The following IFIH1 variants were observed in gnomAD, a reference collection of about 807,000 sequenced individuals.
IFIH1 encodes the protein interferon-induced helicase C domain-containing protein 1.
IFIH1 carries 125 observed loss-of-function variants against 107.4 expected under a neutral mutation model. The ratio of observed to expected loss-of-function variants is 1.16; its 90% CI spans 1.01 to 1.35. IFIH1 has a LOEUF of 1.35. IFIH1 is among the 40% of genes most tolerant of loss of function. The pLI, the probability that IFIH1 is intolerant of heterozygous loss-of-function variation, is 0.00. For synonymous variants in IFIH1, 458 were observed against 413.2 expected (o/e 1.11, Z -1.31); for missense variants, 1,333 against 1,213.7 (o/e 1.10, Z -1.46).
At chr2:162,284,230 A>G (rs770411744) in intron 5 of IFIH1, among the ~76,000 whole-genome samples, 12 of 151,790 alleles carry the variant, frequency 7.9e-5, no homozygotes, top group Non-Finnish European at 1.2e-4. Flanking sequence ...TATTCTTTCC[A>G]TTTCATTTAT....
intron 3 of IFIH1, among the ~76,000 whole-genome samples, chr2:162,295,692 C>A (rs887942514): frequency 6.6e-6 from 1 of 151,926 alleles, no homozygotes; most frequent in East Asian, 1.9e-4. Flanking sequence ...TATGATCACA[C>A]GGGAAAACCT....
chr2:162,317,729 C>T (rs1683528152), intron 1 of IFIH1, 126 bp downstream of exon 1: 1 of 734,204 alleles, frequency 1.4e-6, no homozygotes, highest in Non-Finnish European at 2.3e-6. Flanking sequence ...TAGATGTTGT[C>T]TTCTCAAAGG....
chr2:162,305,597 G>T (rs555375610), intron 3 of IFIH1, among the ~76,000 whole-genome samples: 2 of 150,688 alleles, frequency 1.3e-5, no homozygotes, highest in African/African-American at 2.5e-5. Flanking sequence ...AAAATAAAAT[G>T]AAATTAAAAA....
intron 4 of IFIH1, among the ~76,000 whole-genome samples, chr2:162,290,681 G>T (rs971572124): frequency 3.3e-5 from 5 of 151,910 alleles, no homozygotes; most frequent in Admixed American, 2.6e-4. Context: ...TGGTTAGACA[G>T]ATAGCTCAAT....
rs763260312 is a variant in IFIH1 at position 162,306,710 on chromosome 2, T to C, written c.768A>G (p.Ser256=). ...AAAGTACGTATGTGTTTCAAGTACC[T>C]GAAACTACAGAAGAATCTGCAAAAG... ...ESSFADSSVV[S]ESDTSLAEGS... is the part of the protein sequence containing the mutation. The change falls in exon 3 of 16, where the codon TCA becomes TCG. Residue 256 remains serine (S), a splice_region_variant and synonymous_variant. Coordinates refer to ENST00000649979, the MANE Select transcript of IFIH1 (RefSeq NM_022168.4). 7.4e-6 allele frequency: 12 copies of C among 1,613,450 alleles called. No homozygotes were observed. The highest frequency in any genetic ancestry group is 1.0e-5 in the Non-Finnish European group (12 of 1,179,558).
chr2:162,309,413 A>G (rs1241575419), intron 2 of IFIH1, among the ~76,000 whole-genome samples: 2 of 152,188 alleles, frequency 1.3e-5, no homozygotes, highest in Admixed American at 6.5e-5. Flanking sequence ...GGCAACCCTG[A>G]TGACTTCTGT....
intron 11 of IFIH1, among the ~76,000 whole-genome samples, chr2:162,276,087 T>TACACAAAAGTG: frequency 6.6e-6 from 1 of 152,350 alleles, no homozygotes; most frequent in South Asian, 2.1e-4. Flanking sequence ...TACATGTCAC[T>TACACAAAAGTG]TATTTTTGCA....
chr2:162,314,125 T>G (rs1683428451), intron 1 of IFIH1, among the ~76,000 whole-genome samples: 1 of 152,186 alleles, frequency 6.6e-6, no homozygotes, highest in South Asian at 2.1e-4. Context: ...AGTTCATGAC[T>G]GCCTAAATTG....
intron 7 of IFIH1, among the ~76,000 whole-genome samples, chr2:162,280,896 A>C (rs868100470): frequency 5.9e-5 from 9 of 152,112 alleles, no homozygotes; most frequent in African/African-American, 1.7e-4. Flanking sequence ...ATTTCCCTTT[A>C]ATTTGAATTA....
At chr2:162,309,741 AT>A (rs1182525916) in intron 2 of IFIH1, among the ~76,000 whole-genome samples, 1 of 152,098 alleles carries the variant, frequency 6.6e-6, no homozygotes, top group Non-Finnish European at 1.5e-5. Flanking sequence ...AGATATTTAA[AT>A]TTTGGTTCCT....
intron 14 of IFIH1, 80 bp downstream of exon 14, chr2:162,268,007 A>G (rs1160582103): frequency 3.3e-6 from 3 of 900,468 alleles, no homozygotes; most frequent in Non-Finnish European, 5.0e-6. Context: ...TCTCATTTGC[A>G]CTATTTTGAA....
At chr2:162,301,415 TCACAATAGGGCAGCTGTAA>T (rs1262240703) in intron 3 of IFIH1, among the ~76,000 whole-genome samples, 1 of 152,180 alleles carries the variant, frequency 6.6e-6, no homozygotes, top group Non-Finnish European at 1.5e-5. Context: ...TTTCTAGTTT[TCACAATAGGGCAGCTGTAA>T]CACAATGATT....
At chr2:162,268,003 T>C in intron 14 of IFIH1, 84 bp downstream of exon 14, 1 of 856,692 alleles carries the variant, frequency 1.2e-6, no homozygotes, top group South Asian at 2.1e-5. Flanking sequence ...TGAATCTCAT[T>C]TGCACTATTT....
At chr2:162,317,188 C>G (rs1683509934) in intron 1 of IFIH1, among the ~76,000 whole-genome samples, 1 of 152,100 alleles carries the variant, frequency 6.6e-6, no homozygotes, top group Non-Finnish European at 1.5e-5. Flanking sequence ...ATCCAATTGC[C>G]TTTGGAGTAG....
Position 162,293,563 on chromosome 2 carries a change from C to T in IFIH1, c.874+1G>A. ...AGGTTTACACAACAGTTAGGCAGTA[C>T]CTGAATCACTTCCCATGGTGCCTGA... On this transcript the variant is annotated splice_donor_variant, in intron 4 of 15. Transcript: ENST00000649979. LOFTEE classifies it high-confidence loss of function. 6.3e-7 allele frequency: 1 copy of T among 1,596,626 alleles called. No homozygotes were observed. Among genetic ancestry groups the T allele is most frequent in the Non-Finnish European group, 8.6e-7 (1 of 1,165,178 alleles).
At chr2:162,272,170 C>T in intron 13 of IFIH1, 56 bp downstream of exon 13, 2 of 1,432,524 alleles carry the variant, frequency 1.4e-6, no homozygotes, top group East Asian at 4.7e-5. Flanking sequence ...ATATCAATGG[C>T]AACCACATGC....
At chr2:162,300,115 G>C (rs750368170) in intron 3 of IFIH1, among the ~76,000 whole-genome samples, 2 of 152,184 alleles carry the variant, frequency 1.3e-5, no homozygotes, top group Middle Eastern at 3.4e-3. Flanking sequence ...CTTTGTGGAG[G>C]CATGTCACTT....
intron 13 of IFIH1, among the ~76,000 whole-genome samples, 168 bp from the exon 14 acceptor site, chr2:162,268,445 A>G (rs1406833817): frequency 6.6e-6 from 1 of 152,178 alleles, no homozygotes; most frequent in Non-Finnish European, 1.5e-5. Context: ...AATTTGGTAT[A>G]TAATCATCTC....
At chr2:162,303,343 T>C (rs1683224406) in intron 3 of IFIH1, among the ~76,000 whole-genome samples, 1 of 152,218 alleles carries the variant, frequency 6.6e-6, no homozygotes, top group Admixed American at 6.5e-5. Context: ...CTTGAACTCC[T>C]GGCCTCAGGT....
Sources: gnomAD v4.1 joint callset for allele counts (sites outside exome capture counted in the v4.1 genomes callset) on GRCh38, gnomAD v4.1.1 for gene constraint, MANE v1.5 for transcripts, NCBI Gene and HGNC (gene_info 2026-07-23, HGNC 2026-07-21) for gene names.